TOX4: variants seen among roughly 807,000 people sequenced by gnomAD.
The protein encoded by TOX4 is TOX high mobility group box family member 4.
TOX4 carries 12 observed loss-of-function variants against 61.0 expected under a neutral mutation model. The observed-to-expected ratio is 0.20, with a 90% CI of 0.13 to 0.32. The LOEUF (loss-of-function observed/expected upper bound fraction) is 0.32. Among genes scored for constraint, TOX4 ranks in the 10% least tolerant of loss-of-function variants. TOX4 has a pLI of 1.00. For missense variants in TOX4, 499 were observed against 753.3 expected (o/e 0.66, Z 3.95); for synonymous variants, 268 against 274.8 (o/e 0.98, Z 0.24).
chr14:21,479,010 C>G (rs1891062658), intron 2 of TOX4, among the ~76,000 whole-genome samples: 1 of 34,892 alleles, frequency 2.9e-5, no homozygotes, highest in African/African-American at 1.3e-4. Context: ...GACGGGGTTT[C>G]ACCCTGTTAC....
chr14:21,488,450 T>C, intron 3 of TOX4, 140 bp from the exon 4 acceptor site: 1 of 839,908 alleles, frequency 1.2e-6, no homozygotes, highest in Non-Finnish European at 1.8e-6. Context: ...TTTATTTTCA[T>C]TTTTGAAGAC....
rs757614327 is a variant in TOX4, at chr14:21,477,560, C to T, written c.71C>T (p.Ala24Val). The T allele has an allele frequency of 9.9e-6, 16 of 1,613,510 alleles. No homozygotes were observed. Among genetic ancestry groups the T allele is most frequent in the Non-Finnish European group, 1.4e-5 (16 of 1,180,030 alleles). Residue 24 changes from alanine to valine, a missense_variant, in exon 2 of 9, where the codon GCC becomes GTC. By Grantham distance (64) the Ala-to-Val change is moderately conservative (BLOSUM62 0). Coordinates refer to ENST00000448790, the MANE Select transcript of TOX4 (RefSeq NM_014828.4). ...CCTTCGCACCCCTTCCTGTCAGGGG[C>T]CGAGGTGAGCCAGAGCTGCCGACGC... ...TGPSHPFLSG[A>V]ETFHTPSLGD... is the part of the protein sequence containing the mutation.
At chr14:21,486,473 T>TTC (rs1891191556) in intron 2 of TOX4, among the ~76,000 whole-genome samples, 2 of 38,322 alleles carry the variant, frequency 5.2e-5, no homozygotes, top group African/African-American at 1.0e-4. Flanking sequence ...CTTATCCTCA[T>TTC]AATAACCATA....
In TOX4 at chr14:21,496,766, G is replaced by A. The variant is rs755814295; in HGVS notation, c.*160G>A. The A allele has an allele frequency of 4.0e-4, 245 of 613,836 alleles. No homozygotes were observed. Among genetic ancestry groups the A allele is most frequent in the Non-Finnish European group, 6.4e-4 (223 of 351,162 alleles). 38.0% of individuals were successfully genotyped at this position (613,836 alleles called of 1,614,324 possible). A position where few individuals can be genotyped will look rare whatever the true frequency, so the allele number is the denominator to read the frequency against. ...CTTCCTTCAGCAGAGGCCAGGCTATGGAGCAGGGCCACTGAATTTGCTGTA... is the reference window on the plus strand; with the variant it reads ...CTTCCTTCAGCAGAGGCCAGGCTATAGAGCAGGGCCACTGAATTTGCTGTA... On this transcript the variant is annotated 3_prime_UTR_variant, in exon 9 of 9. Transcript: ENST00000448790.
intron 2 of TOX4, among the ~76,000 whole-genome samples, chr14:21,480,453 A>G (rs1184098835): frequency 2.0e-5 from 3 of 152,070 alleles, no homozygotes; most frequent in Admixed American, 6.6e-5. Flanking sequence ...ATGGTTGTTT[A>G]TAACTTTTAT....
At position 21,497,746 on chromosome 14, in the gene TOX4, C is replaced by G. The variant is rs1891439732; in HGVS notation, c.*1140C>G. ...GTTTCACCATGTTGGCCAGGCTGGT[C>G]TCGAACTCCTGACCTCATGATCCGC... is the stretch of plus-strand genomic sequence containing the variant. On this transcript the variant is annotated 3_prime_UTR_variant, in exon 9 of 9. Coordinates refer to ENST00000448790, the MANE Select transcript of TOX4 (RefSeq NM_014828.4). The G allele has an allele frequency of 6.6e-6, 1 of 152,268 alleles. No individual in the cohort carries two copies. The highest frequency in any genetic ancestry group is 2.1e-4 in the South Asian group (1 of 4,822). The allele number at this position is 152,268 out of a possible 1,614,324, so 9.4% of individuals were successfully genotyped here.
intron 8 of TOX4, chr14:21,496,310 G>A (rs1315303186): frequency 1.5e-5 from 5 of 323,744 alleles, no homozygotes; most frequent in African/African-American, 4.4e-5. Context: ...GGCGATTCAC[G>A]GGGTCAGGAG....
At chr14:21,482,542 C>A in intron 2 of TOX4, 2 of 465,764 alleles carry the variant, frequency 4.3e-6, no homozygotes, top group Non-Finnish European at 8.9e-6. Context: ...AACTGTAATT[C>A]CCAAACCAGC....
chr14:21,490,943 A>G (rs920229305), intron 5 of TOX4, among the ~76,000 whole-genome samples: 1 of 152,222 alleles, frequency 6.6e-6, no homozygotes, highest in African/African-American at 2.4e-5. Context: ...CTCCTGCCTC[A>G]GCCTCCCAAG....
intron 8 of TOX4, chr14:21,496,285 T>C (rs1359937563): frequency 3.5e-6 from 1 of 288,412 alleles, no homozygotes; most frequent in Non-Finnish European, 6.6e-6. Context: ...CCCAGCACTT[T>C]GGGAGGCCAA....
intron 4 of TOX4, 77 bp from the exon 5 acceptor site, chr14:21,489,096 C>G (rs1356421510): frequency 1.4e-6 from 2 of 1,465,586 alleles, no homozygotes; most frequent in Non-Finnish European, 1.8e-6. Context: ...TCTGAAAATT[C>G]CATACATGTG....
chr14:21,485,742 T>G lies in TOX4; in HGVS notation c.76-1709T>G, dbSNP rs1441559523. ...TTAGCTGGGCGTGGTGGCACACACC[T>G]GTAGTCCTAGCTACTCTGGAGGCTG... On this transcript the variant is annotated intron_variant, in intron 2 of 8. Transcript: ENST00000448790. Among the ~76,000 whole-genome samples, 46 of 103,232 alleles carry G rather than the reference T, an allele frequency of 4.5e-4. 15 individuals carry two copies. Among genetic ancestry groups the G allele is most frequent in the Middle Eastern group, 4.5e-3 (1 of 222 alleles). The allele number at this position is 103,232 out of a possible 152,430, so 67.7% of individuals were successfully genotyped here.
chr14:21,482,412 C>CTATA, intron 2 of TOX4: 1 of 319,990 alleles, frequency 3.1e-6, no homozygotes. Context: ...AGTGAATGAT[C>CTATA]TATATAATAA....
chr14:21,478,970 ATT>A (rs11354281), intron 2 of TOX4, among the ~76,000 whole-genome samples: 57,147 of 140,344 alleles, frequency 0.41, 11,448 homozygotes, highest in Middle Eastern at 0.48. Context: ...CACCCAGCTA[ATT>A]TTTTTTTTTT....
Position 21,497,333 on chromosome 14 carries a change from T to G in TOX4, c.*727T>G, listed in dbSNP as rs1891424052. 6.6e-6 allele frequency: 1 copy of G among 152,124 alleles called. No individual in the cohort carries two copies. The highest frequency in any genetic ancestry group is 6.6e-5 in the Admixed American group (1 of 15,262). The allele number at this position is 152,124 out of a possible 1,614,324, so 9.4% of individuals were successfully genotyped here. On this transcript the variant is annotated 3_prime_UTR_variant, in exon 9 of 9. Transcript: ENST00000448790. ...AGACATAATCTAAAGAAAAACAGAC[T>G]AGAGAAGCCACCTGGTTGTAACAGA...
In TOX4 at chr14:21,493,101, T is replaced by C; in HGVS notation, c.1485T>C (p.Ser495=). The change falls in exon 7 of 9, where the codon AGT becomes AGC. Residue 495 remains serine, a synonymous_variant. Coordinates refer to ENST00000448790, the MANE Select transcript of TOX4 (RefSeq NM_014828.4). ...QQQPPPLQIK[S]VPLPTLKMQT... ...AGCCTCCTCCTCTGCAGATCAAGAGTGTGCCTCTACCCACTTTGAAAATGC... is the reference window on the plus strand; with the variant it reads ...AGCCTCCTCCTCTGCAGATCAAGAGCGTGCCTCTACCCACTTTGAAAATGC... The C allele has an allele frequency of 1.9e-6, 3 of 1,614,044 alleles. No homozygotes were observed. Among genetic ancestry groups the C allele is most frequent in the Non-Finnish European group, 2.5e-6 (3 of 1,180,010 alleles).
At chr14:21,489,456 A>G (rs1594428733) in intron 5 of TOX4, 53 bp downstream of exon 5, 1 of 1,501,954 alleles carries the variant, frequency 6.7e-7, no homozygotes, top group Non-Finnish European at 9.0e-7. Flanking sequence ...TTTTAAAGAG[A>G]TAAAAATTGA....
At chr14:21,495,701 C>T (rs1891385015) in intron 8 of TOX4, 1 of 174,646 alleles carries the variant, frequency 5.7e-6, no homozygotes, top group African/African-American at 2.4e-5. Flanking sequence ...TGGTGCAAAT[C>T]AGACTACTTA....
chr14:21,477,379 G>T (rs1891012089), intron 1 of TOX4, 95 bp downstream of exon 1: 8 of 1,612,562 alleles, frequency 5.0e-6, no homozygotes, highest in Non-Finnish European at 5.9e-6. Flanking sequence ...ACTGACGGGA[G>T]AGGAGAGAGA....
Sources: gnomAD v4.1 joint callset for allele counts (sites outside exome capture counted in the v4.1 genomes callset) on GRCh38, gnomAD v4.1.1 for gene constraint, MANE v1.5 for transcripts, NCBI Gene and HGNC (gene_info 2026-07-23, HGNC 2026-07-21) for gene names.